Variants in B3GALT1 observed in about 807,000 individuals in gnomAD.
The protein encoded by B3GALT1 is beta-1,3-galactosyltransferase 1, also known as UDP-Gal:betaGlcNAc beta 1,3-galactosyltransferase, polypeptide 1.
A neutral mutation model predicts 23.2 loss-of-function variants in B3GALT1; 10 were observed. The observed-to-expected ratio is 0.43, with a 90% confidence interval of 0.27 to 0.73. The LOEUF is 0.73. Ranked by LOEUF, B3GALT1 falls within the 30% of genes least tolerant of loss-of-function variation. The pLI is 0.21. For missense variants in B3GALT1, 299 were observed against 405.4 expected (o/e 0.74, Z 2.25); for synonymous variants, 156 against 141.5 (o/e 1.10, Z -0.73).
intron 1 of B3GALT1, among the ~76,000 whole-genome samples, chr2:167,382,453 C>G (rs1192959396): frequency 6.8e-6 from 1 of 146,836 alleles, no homozygotes; most frequent in South Asian, 2.1e-4. Flanking sequence ...CTCCCTCCTT[C>G]TGTTCCTCCC....
chr2:167,361,108 A>G (rs993078665), intron 1 of B3GALT1, among the ~76,000 whole-genome samples: 1 of 151,884 alleles, frequency 6.6e-6, no homozygotes, highest in Admixed American at 6.6e-5. Flanking sequence ...CCATTCATCC[A>G]TTGATGGACA....
intron 4 of B3GALT1, among the ~76,000 whole-genome samples, chr2:167,846,404 G>A (rs1204632417): frequency 2.0e-5 from 3 of 152,170 alleles, no homozygotes; most frequent in Admixed American, 6.6e-5. Context: ...AGATTTCTCA[G>A]CAGAAACCCT....
At chr2:167,441,806 T>A (rs144830540) in intron 1 of B3GALT1, among the ~76,000 whole-genome samples, 2 of 151,444 alleles carry the variant, frequency 1.3e-5, no homozygotes, top group East Asian at 3.9e-4. Context: ...GATGGGAGAA[T>A]CATTTGGGTC....
chr2:167,579,053 GC>G (rs1558913311), intron 2 of B3GALT1, among the ~76,000 whole-genome samples: 1 of 152,068 alleles, frequency 6.6e-6, no homozygotes, highest in East Asian at 1.9e-4. Context: ...GACAGAGCTT[GC>G]CCCCAGATAA....
At chr2:167,540,234 A>G (rs1435752171) in intron 2 of B3GALT1, among the ~76,000 whole-genome samples, 1 of 152,138 alleles carries the variant, frequency 6.6e-6, no homozygotes, top group Non-Finnish European at 1.5e-5. Context: ...AGCTTATTCA[A>G]GCATGCACCA....
At chr2:167,770,597 T>G (rs1273411593) in intron 3 of B3GALT1, among the ~76,000 whole-genome samples, 1 of 152,202 alleles carries the variant, frequency 6.6e-6, no homozygotes, top group African/African-American at 2.4e-5. Context: ...GTGGTGTCTT[T>G]CTCAAAGCAA....
intron 3 of B3GALT1, among the ~76,000 whole-genome samples, chr2:167,669,472 C>G (rs970999662): frequency 1.3e-5 from 2 of 151,978 alleles, no homozygotes; most frequent in Non-Finnish European, 2.9e-5. Flanking sequence ...ATGGACAATT[C>G]AAGGAATTTC....
chr2:167,814,683 G>C (rs117620402), intron 3 of B3GALT1: 1 of 152,354 alleles, frequency 6.6e-6, no homozygotes, highest in Non-Finnish European at 1.5e-5. Flanking sequence ...GCTTGGACGC[G>C]GGAGGCGGAG....
At chr2:167,571,281 G>A (rs1267430282) in intron 2 of B3GALT1, among the ~76,000 whole-genome samples, 1 of 151,834 alleles carries the variant, frequency 6.6e-6, no homozygotes, top group East Asian at 1.9e-4. Context: ...TCTGTAGTAG[G>A]GGAATCCCAT....
intron 1 of B3GALT1, among the ~76,000 whole-genome samples, chr2:167,358,776 CTGT>C (rs1697456817): frequency 6.6e-6 from 1 of 152,078 alleles, no homozygotes. Context: ...GAATTAGAGG[CTGT>C]AATTCTTATT....
chr2:167,411,337 A>G (rs1698387303), intron 1 of B3GALT1, among the ~76,000 whole-genome samples: 2 of 151,020 alleles, frequency 1.3e-5, no homozygotes. Flanking sequence ...AATAACCAGA[A>G]TATGTAAGAA....
chr2:167,306,821 A>G (rs541798338), intron 1 of B3GALT1, among the ~76,000 whole-genome samples: 1 of 151,282 alleles, frequency 6.6e-6, no homozygotes, highest in Non-Finnish European at 1.5e-5. Context: ...TTAATCTAAC[A>G]CTCTTTGCCC....
chr2:167,714,490 AC>A (rs1687113159), intron 3 of B3GALT1: 1 of 1,607,670 alleles, frequency 6.2e-7, no homozygotes, highest in South Asian at 1.1e-5. Flanking sequence ...ATGAAGGCTG[AC>A]CCAACGGTGA....
chr2:167,564,865 A>G (rs1234187344), intron 2 of B3GALT1, among the ~76,000 whole-genome samples: 2 of 152,244 alleles, frequency 1.3e-5, no homozygotes, highest in African/African-American at 4.8e-5. Flanking sequence ...GAGGATACAA[A>G]CAAATGGAAG....
In B3GALT1 at chr2:167,563,107, C is replaced by A. The variant is rs533561152; in HGVS notation, c.-410+72830C>A. On this transcript the variant is annotated intron_variant, in intron 2 of 4. Coordinates refer to ENST00000392690, the MANE Select transcript of B3GALT1 (RefSeq NM_020981.4). ...TCAATCTTCTCCCCACCTTTCCCCC[C>A]CTTCCATTCCACAAAACCGCCATTG... Among the ~76,000 whole-genome samples the A allele has an allele frequency of 8.1e-4, 123 of 152,252 alleles. 1 individual carries two copies. In the East Asian group the frequency reaches 0.01, roughly 13 times the overall value.
Position 167,396,542 on chromosome 2 carries a change from G to A in B3GALT1, c.-510-93635G>A, listed in dbSNP as rs950230257. Among the ~76,000 whole-genome samples, 63 of 147,660 alleles carry A rather than the reference G, an allele frequency of 4.3e-4. 1 individual carries two copies. The highest frequency in any genetic ancestry group is 1.4e-3 in the African/African-American group (55 of 38,866). ...AATATATATATATATATATGTGTGT[G>A]TGTGTGTGTGTGTGTGTGTGTGTTT... On this transcript the variant is annotated intron_variant, in intron 1 of 4. Coordinates refer to ENST00000392690, the MANE Select transcript of B3GALT1 (RefSeq NM_020981.4).
At chr2:167,301,060 A>G (rs79113995) in intron 1 of B3GALT1, among the ~76,000 whole-genome samples, 2,099 of 152,288 alleles carry the variant, frequency 0.014, 56 homozygotes, top group African/African-American at 0.048. Flanking sequence ...CGCATTGAAT[A>G]TAAGTTGGGC....
Position 167,502,282 on chromosome 2 carries a change from GA to G in B3GALT1, c.-410+12006del, listed in dbSNP as rs1699858823. Among the ~76,000 whole-genome samples the G allele has an allele frequency of 2.6e-5, 4 of 152,140 alleles. No individual in the cohort carries two copies. The South Asian group carries it at 8.3e-4, about 32-fold the overall frequency. On this transcript the variant is annotated intron_variant, in intron 2 of 4. Transcript: ENST00000392690. Reference sequence around the variant, plus strand: ...TAGCCTCTGACATAGTCAGAGGGGTGACTCCCCAGGAGAAAGATCAGTGAAA... The same window carrying G: ...TAGCCTCTGACATAGTCAGAGGGGTGCTCCCCAGGAGAAAGATCAGTGAAA...
intron 3 of B3GALT1, among the ~76,000 whole-genome samples, chr2:167,757,766 T>C (rs920470512): frequency 7.9e-5 from 12 of 152,148 alleles, no homozygotes; most frequent in African/African-American, 2.9e-4. Flanking sequence ...CTGTGGGCCA[T>C]GTCCAGCATG....
Sources: gnomAD v4.1 joint callset for allele counts (sites outside exome capture counted in the v4.1 genomes callset) on GRCh38, gnomAD v4.1.1 for gene constraint, MANE v1.5 for transcripts, NCBI Gene and HGNC (gene_info 2026-07-23, HGNC 2026-07-21) for gene names.